UPRT: variants seen among roughly 807,000 people sequenced by gnomAD.
UPRT encodes the protein RP11-311P8.3.
UPRT carries 5 observed loss-of-function variants against 22.6 expected under a neutral mutation model. The observed-to-expected ratio is 0.22, with a 90% CI of 0.12 to 0.47. The LOEUF is 0.47. Ranked by LOEUF, UPRT falls within the 20% of genes least tolerant of loss-of-function variation. The pLI, the probability that UPRT is intolerant of heterozygous loss-of-function variation, is 0.99. For missense variants in UPRT, 181 were observed against 239.9 expected, an observed-to-expected ratio of 0.75 and a Z score of 1.62; for synonymous variants, 77 against 87.7, an observed-to-expected ratio of 0.88 and a Z score of 0.68.
At chrX:75,254,689 A>C (rs944353800) in intron 4 of UPRT, among the ~76,000 whole-genome samples, 2 of 111,615 alleles carry the variant, frequency 1.8e-5, no homozygotes, top group African/African-American at 6.5e-5. Flanking sequence ...CATCTGGGAA[A>C]TTCGCCTCAA....
intron 4 of UPRT, among the ~76,000 whole-genome samples, chrX:75,205,370 C>T (rs1245841365): frequency 1.5e-4 from 11 of 73,224 alleles, no homozygotes; most frequent in African/African-American, 6.2e-4. Context: ...GGCGACAGAG[C>T]GAGACTCCGT....
intron 4 of UPRT, among the ~76,000 whole-genome samples, chrX:75,173,972 C>T (rs755199583): frequency 5.1e-4 from 57 of 111,218 alleles, no homozygotes; most frequent in African/African-American, 1.8e-3. Context: ...TTCCCGCTCC[C>T]GCCTCTCCCT....
chrX:75,171,198 G>A lies in UPRT; in HGVS notation c.-447+3319G>A, dbSNP rs181871603. On this transcript the variant is annotated intron_variant, in intron 4 of 13. Transcript: ENST00000652605. The stretch of plus-strand genomic sequence containing the variant: ...ACTTTTAGATTTCTCTTCTTCCTCA[G>A]GAACACTAATTATTCTTGGGTCTGG... 3.7e-3 allele frequency among the ~76,000 whole-genome samples: 407 copies of A among 111,096 alleles called. 1 individual carries two copies. Among genetic ancestry groups the A allele is most frequent in the African/African-American group, 0.011 (322 of 30,641 alleles).
At chrX:75,179,031 G>C (rs767359972) in intron 4 of UPRT, among the ~76,000 whole-genome samples, 18 of 111,767 alleles carry the variant, frequency 1.6e-4, no homozygotes, top group Non-Finnish European at 1.9e-4. Context: ...AGATTAGTTA[G>C]ATACAGAGTT....
intron 1 of UPRT, among the ~76,000 whole-genome samples, chrX:75,284,918 G>A (rs1043462766): frequency 9.0e-6 from 1 of 110,896 alleles, no homozygotes; most frequent in Non-Finnish European, 1.9e-5. Context: ...GGAACATTAG[G>A]TGGGGGCAGG....
At chrX:75,231,887 A>G (rs1449413602) in intron 4 of UPRT, among the ~76,000 whole-genome samples, 1 of 112,153 alleles carries the variant, frequency 8.9e-6, no homozygotes, top group Non-Finnish European at 1.9e-5. Context: ...CAGACACACA[A>G]ATGCTAAGAG....
chrX:75,182,018 C>T (rs899196272), intron 4 of UPRT, among the ~76,000 whole-genome samples: 4 of 111,732 alleles, frequency 3.6e-5, no homozygotes, highest in Admixed American at 1.9e-4. Flanking sequence ...GAAGTATATT[C>T]CTTCAATGCC....
intron 2 of UPRT, among the ~76,000 whole-genome samples, chrX:75,293,795 A>C (rs1316735561): frequency 8.9e-6 from 1 of 111,817 alleles, no homozygotes; most frequent in African/African-American, 3.2e-5. Flanking sequence ...GCAATTCTTA[A>C]GTGCCTCCTC....
intron 4 of UPRT, among the ~76,000 whole-genome samples, chrX:75,266,806 A>T (rs1291880898): frequency 8.9e-6 from 1 of 111,937 alleles, no homozygotes; most frequent in Non-Finnish European, 1.9e-5. Context: ...TCAAAAGAAG[A>T]CATTTATGCA....
intron 4 of UPRT, among the ~76,000 whole-genome samples, chrX:75,299,429 C>T (rs1259293758): frequency 1.8e-5 from 2 of 111,775 alleles, no homozygotes; most frequent in African/African-American, 6.5e-5. Flanking sequence ...TAAAAAAGCT[C>T]AGGGAGCTGC....
chrX:75,228,983 T>C (rs1312356055), intron 4 of UPRT, among the ~76,000 whole-genome samples: 3 of 112,059 alleles, frequency 2.7e-5, no homozygotes, highest in Non-Finnish European at 5.6e-5. Flanking sequence ...GAGAGTAGAA[T>C]GTTGGTTGCC....
At chrX:75,288,907 C>T (rs1319652763) in intron 1 of UPRT, among the ~76,000 whole-genome samples, 1 of 111,672 alleles carries the variant, frequency 9.0e-6, no homozygotes, top group African/African-American at 3.3e-5. Flanking sequence ...TATCTCTCTT[C>T]ATGGAAAATA....
intron 1 of UPRT, among the ~76,000 whole-genome samples, chrX:75,156,920 CACACACAG>C (rs948782242): frequency 9.2e-6 from 1 of 109,039 alleles, no homozygotes; most frequent in African/African-American, 3.4e-5. Context: ...CACACACACA[CACACACAG>C]AGAGACTACA....
chrX:75,210,270 G>T (rs762043323), intron 4 of UPRT, among the ~76,000 whole-genome samples: 18 of 111,586 alleles, frequency 1.6e-4, no homozygotes, highest in African/African-American at 5.9e-4. Context: ...TGTTTGCATG[G>T]GCCTGGGCAT....
At chrX:75,230,380 AC>A (rs2082434642) in intron 4 of UPRT, among the ~76,000 whole-genome samples, 1 of 110,861 alleles carries the variant, frequency 9.0e-6, no homozygotes, top group African/African-American at 3.3e-5. Flanking sequence ...GTATGGCCCC[AC>A]CCATCAACAA....
At chrX:75,254,726 A>C (rs963344560) in intron 4 of UPRT, among the ~76,000 whole-genome samples, 1 of 108,570 alleles carries the variant, frequency 9.2e-6, no homozygotes, top group African/African-American at 3.4e-5. Flanking sequence ...GCACATTTTC[A>C]TCAGGTTATA....
intron 4 of UPRT, among the ~76,000 whole-genome samples, chrX:75,234,602 C>T (rs1298690729): frequency 8.9e-6 from 1 of 111,829 alleles, no homozygotes; most frequent in African/African-American, 3.3e-5. Context: ...GACCACATTG[C>T]AATCAAACTG....
intron 4 of UPRT, among the ~76,000 whole-genome samples, chrX:75,182,151 TC>T (rs1385766782): frequency 1.8e-5 from 2 of 112,150 alleles, no homozygotes; most frequent in Non-Finnish European, 3.8e-5. Flanking sequence ...ATATGATGAA[TC>T]CCATTTATGG....
chrX:75,296,383 T>C lies in UPRT; in HGVS notation c.471T>C (p.Tyr157=), dbSNP rs1463656039. The part of the protein sequence containing the change: ...VVEEGLNQLP[Y]KECMVTTPTG... ...AAGAGGGATTGAATCAGCTGCCATA[T>C]AAAGAATGCATGGTGACCACTCCAA... Residue 157 remains tyrosine (Y), a synonymous_variant, in exon 3 of 7, where the codon TAT becomes TAC. Transcript: ENST00000373383. 1 of 1,210,691 alleles carries C rather than the reference T, an allele frequency of 8.3e-7. No individual in the cohort carries two copies. Among genetic ancestry groups the C allele is most frequent in the Admixed American group, 2.2e-5 (1 of 45,992 alleles).
Sources: allele counts gnomAD v4.1 joint callset (sites outside exome capture counted in the v4.1 genomes callset), GRCh38; gene constraint gnomAD v4.1.1; transcripts MANE v1.5; gene names NCBI Gene and HGNC (gene_info 2026-07-23, HGNC 2026-07-21).